PARVB: variants seen among roughly 807,000 people sequenced by gnomAD.
The protein encoded by PARVB is parvin beta.
In PARVB, 46 loss-of-function variants were observed where a neutral mutation model predicts 47.0. That is an observed-to-expected ratio of 0.98 (90% CI 0.77 to 1.25). The LOEUF (loss-of-function observed/expected upper bound fraction) is 1.25. Among genes scored for constraint, PARVB ranks in the 50% most tolerant of loss-of-function variants. PARVB has a pLI of 0.00. For missense variants in PARVB, 473 were observed against 471.6 expected, an observed-to-expected ratio of 1.00 and a Z score of -0.03; for synonymous variants, 196 against 196.3, an observed-to-expected ratio of 1.00 and a Z score of 0.01.
In PARVB at chr22:44,161,871, C is replaced by A. The variant is rs537296572; in HGVS notation, c.946-1987C>A. Among the ~76,000 whole-genome samples, 123 of 152,346 alleles carry A rather than the reference C, an allele frequency of 8.1e-4. 1 individual carries two copies. Among genetic ancestry groups the A allele is most frequent in the South Asian group, 3.1e-3 (15 of 4,832 alleles). ...GCCAGTGTTTGGCCATCCTCAGGCC[C>A]AGCCCTGGTGCAGCACTCCCGCATC... On this transcript the variant is annotated intron_variant, in intron 11 of 12. Coordinates refer to ENST00000338758, the MANE Select transcript of PARVB (RefSeq NM_013327.5).
intron 1 of PARVB, among the ~76,000 whole-genome samples, chr22:44,033,228 G>T (rs1390264853): frequency 6.6e-6 from 1 of 152,112 alleles, no homozygotes; most frequent in South Asian, 2.1e-4. Context: ...TTTTAGTAAA[G>T]ACAGGATTTC....
chr22:44,090,816 CA>C (rs1030161973), intron 1 of PARVB, among the ~76,000 whole-genome samples: 47 of 152,346 alleles, frequency 3.1e-4, no homozygotes, highest in African/African-American at 1.1e-3. Flanking sequence ...CCTATGATGC[CA>C]GCCAGGACAT....
intron 1 of PARVB, among the ~76,000 whole-genome samples, chr22:44,055,219 C>G (rs1218382208): frequency 1.3e-5 from 2 of 152,166 alleles, no homozygotes; most frequent in Admixed American, 1.3e-4. Flanking sequence ...ATGCCCCGTA[C>G]CTCCTGTGCG....
At chr22:44,048,641 A>T (rs2051155813) in intron 1 of PARVB, among the ~76,000 whole-genome samples, 1 of 152,136 alleles carries the variant, frequency 6.6e-6, no homozygotes, top group Non-Finnish European at 1.5e-5. Flanking sequence ...AGCTCACTGT[A>T]ACCTCCGCCT....
At chr22:44,110,151 A>G (rs1446387987) in intron 3 of PARVB, 1 of 145,664 alleles carries the variant, frequency 6.9e-6, no homozygotes, top group Admixed American at 6.9e-5. Flanking sequence ...AAGAAAGTTC[A>G]TAGGCGGTTC....
chr22:44,169,015 A>C lies in PARVB; in HGVS notation c.*337A>C. ...TGGCCGAAAGATGAAAAAAAGCCTG[A>C]ACCCCAACCCCCAGCTGGTTGAGAG... On this transcript the variant is annotated 3_prime_UTR_variant, in exon 13 of 13. Transcript: ENST00000338758. The C allele has an allele frequency of 4.4e-6, 1 of 225,216 alleles. No homozygotes were observed. The highest frequency in any genetic ancestry group is 7.1e-5 in the South Asian group (1 of 14,090). 14.0% of individuals were successfully genotyped at this position (225,216 alleles called of 1,614,324 possible). A position where few individuals can be genotyped will look rare whatever the true frequency, so the allele number is the denominator to read the frequency against.
rs2052098373 is a variant in PARVB, at chr22:44,089,011, C to G, written c.113-4917C>G. On this transcript the variant is annotated intron_variant, in intron 1 of 12. Transcript: ENST00000338758. The surrounding 1 kb of genome is among the most constrained non-coding windows in gnomAD (Gnocchi z 4.0). ...TCCACACCAAACCCCACATTTCCAG[C>G]TTTTCTTGAAAACTCAGATCTGGTG... Among the ~76,000 whole-genome samples the G allele has an allele frequency of 6.6e-6, 1 of 152,204 alleles. No homozygotes were observed. The highest frequency in any genetic ancestry group is 1.5e-5 in the Non-Finnish European group (1 of 68,036).
intron 1 of PARVB, among the ~76,000 whole-genome samples, chr22:44,028,395 A>C (rs1053209344): frequency 6.6e-5 from 10 of 152,046 alleles, no homozygotes; most frequent in African/African-American, 2.4e-4. Context: ...AGTTGTGATC[A>C]TAAAGTGTAC....
At chr22:44,133,155 C>G in intron 6 of PARVB, 146 bp downstream of exon 6, 1 of 555,952 alleles carries the variant, frequency 1.8e-6, no homozygotes, top group South Asian at 2.3e-5. Flanking sequence ...TGTGTCTCAC[C>G]CTGGCTCCGA....
chr22:44,141,458 G>A (rs950528398), intron 8 of PARVB: 2 of 152,234 alleles, frequency 1.3e-5, no homozygotes. Flanking sequence ...GACTAAGCCA[G>A]TCTAGTCTTT....
At chr22:44,066,420 G>C (rs1038157840) in intron 1 of PARVB, among the ~76,000 whole-genome samples, 1 of 152,168 alleles carries the variant, frequency 6.6e-6, no homozygotes, top group Non-Finnish European at 1.5e-5. Flanking sequence ...TGTAACTTAC[G>C]TTTGGCTCAG....
At chr22:44,018,679 G>A (rs1182124218) in intron 2 of PARVB, among the ~76,000 whole-genome samples, 3 of 152,064 alleles carry the variant, frequency 2.0e-5, no homozygotes, top group Admixed American at 2.0e-4. Context: ...TCCTCGCTTG[G>A]TCCTCCACAC....
At chr22:44,086,916 T>A in intron 1 of PARVB, 1 of 831,742 alleles carries the variant, frequency 1.2e-6, no homozygotes, top group Non-Finnish European at 1.5e-6. Flanking sequence ...GGTTCCTGCT[T>A]AAGCCCAAGC....
intron 1 of PARVB, among the ~76,000 whole-genome samples, chr22:44,084,765 G>A (rs894858283): frequency 6.6e-6 from 1 of 152,214 alleles, no homozygotes; most frequent in Non-Finnish European, 1.5e-5. Context: ...GCTGCCGGGA[G>A]AGGCCCGAGA....
intron 11 of PARVB, among the ~76,000 whole-genome samples, chr22:44,159,076 C>A (rs1006995236): frequency 6.6e-6 from 1 of 151,806 alleles, no homozygotes; most frequent in Admixed American, 6.6e-5. Flanking sequence ...AGAGAGAGAG[C>A]GAGCGAGCGA....
chr22:43,999,611 G>A lies in PARVB; in HGVS notation c.149G>A (p.Gly50Asp), dbSNP rs572743090. The A allele has an allele frequency of 5.1e-5, 82 of 1,613,880 alleles. No homozygotes were observed. In the Middle Eastern group the frequency reaches 8.2e-4, roughly 16 times the overall value. Residue 50 changes from glycine (G) to aspartate (D), a missense_variant, in exon 2 of 14, where the codon GGT becomes GAT. Gly to Asp is a moderately conservative substitution (Grantham distance 94). Coordinates refer to the PARVB transcript ENST00000406477. ...CAGGCACTCATGGCTTCTCTGGCTG[G>A]TTCACTTCTCCCTGGCTCAGACAGA...
At chr22:44,159,570 C>T (rs114251252) in intron 11 of PARVB, among the ~76,000 whole-genome samples, 2 of 152,152 alleles carry the variant, frequency 1.3e-5, no homozygotes, top group Non-Finnish European at 2.9e-5. Flanking sequence ...CCTGGGGTGG[C>T]GGTGTGGCTC....
At chr22:44,013,691 G>A (rs1473258565) in intron 2 of PARVB, among the ~76,000 whole-genome samples, 2 of 152,008 alleles carry the variant, frequency 1.3e-5, no homozygotes, top group Non-Finnish European at 2.9e-5. Context: ...GGAGTGCAGT[G>A]GTGCGATCTC....
chr22:44,116,915 A>G (rs11703544), intron 3 of PARVB, among the ~76,000 whole-genome samples: 55,028 of 151,784 alleles, frequency 0.36, 10,053 homozygotes, highest in Middle Eastern at 0.49. Flanking sequence ...CAGGGTGTTC[A>G]GGTGGCTGTG....
Sources: allele counts gnomAD v4.1 joint callset (sites outside exome capture counted in the v4.1 genomes callset), GRCh38; gene constraint gnomAD v4.1.1; non-coding constraint Gnocchi (gnomAD v3.1); transcripts MANE v1.5; gene names NCBI Gene and HGNC (gene_info 2026-07-23, HGNC 2026-07-21).